Variants in NEK9 observed in about 807,000 individuals in gnomAD.
NEK9 encodes serine/threonine-protein kinase Nek9.
A neutral mutation model predicts 123.4 loss-of-function variants in NEK9; 75 were observed. That is an observed-to-expected ratio of 0.61 (90% CI 0.50 to 0.74). NEK9 has a LOEUF of 0.74. Among genes scored for constraint, NEK9 ranks in the 30% least tolerant of loss-of-function variants. NEK9 has a pLI of 0.00. For synonymous variants in NEK9, 438 were observed against 458.7 expected, an observed-to-expected ratio of 0.95 and a Z score of 0.58; for missense variants, 952 against 1,214.4, an observed-to-expected ratio of 0.78 and a Z score of 3.21.
intron 16 of NEK9, among the ~76,000 whole-genome samples, chr14:75,099,485 C>G (rs893239418): frequency 7.9e-5 from 12 of 151,954 alleles, no homozygotes; most frequent in Non-Finnish European, 1.8e-4. Flanking sequence ...AGCAGCAGTA[C>G]AGAAGAGAAG....
chr14:75,088,432 C>T lies in NEK9; in HGVS notation c.2604+48G>A, dbSNP rs535766221. The stretch of plus-strand genomic sequence containing the variant: ...GGCCAGAAGAACCAGGCAGAGCTTG[C>T]AGTGACTGTTTACCTAGTTGTGATT... On this transcript the variant is annotated intron_variant, in intron 20 of 21. Coordinates refer to ENST00000238616, the MANE Select transcript of NEK9 (RefSeq NM_033116.6). The T allele has an allele frequency of 2.1e-5, 33 of 1,585,606 alleles. No individual in the cohort carries two copies. In the South Asian group the frequency reaches 3.6e-4, roughly 17 times the overall value.
Position 75,084,703 on chromosome 14 carries a change from C to T in NEK9, c.2818-17G>A, listed in dbSNP as rs185955176. On this transcript the variant is annotated splice_polypyrimidine_tract_variant and intron_variant, in intron 21 of 21. Transcript: ENST00000238616. ...CATCCCCACCTGTCCGGATAAAACA[C>T]GGTTCCACATTAGCAACAGTGCCAC... is the stretch of plus-strand genomic sequence containing the variant. The T allele has an allele frequency of 5.5e-4, 894 of 1,613,802 alleles. 6 individuals carry two copies. Among genetic ancestry groups the T allele is most frequent in the South Asian group, 4.1e-3 (372 of 91,062 alleles).
At chr14:75,115,318 TG>T (rs1229223746) in intron 6 of NEK9, among the ~76,000 whole-genome samples, 2 of 152,258 alleles carry the variant, frequency 1.3e-5, no homozygotes, top group African/African-American at 4.8e-5. Context: ...GGTTTCACCA[TG>T]TTGGCCAGGC....
chr14:75,091,443 C>G lies in NEK9; in HGVS notation c.2269G>C (p.Gly757Arg). ...QSSSPGGGGG[G>R]GGGEEEDSQQ... Reference sequence around the variant, plus strand: ...CTGTCCTCTTCTTCACCACCGCCGCCCCCGCCGCCTCCTCCCGGGCTAGAG... The same window carrying G: ...CTGTCCTCTTCTTCACCACCGCCGCGCCCGCCGCCTCCTCCCGGGCTAGAG... Residue 757 changes from glycine (G) to arginine (R), a missense_variant, in exon 19 of 22, where the codon GGC becomes CGC. Around this residue, in one of 4 missense-constraint regions of NEK9, gnomAD observed 698 missense variants for 875.6 expected, o/e 0.80. Coordinates refer to ENST00000238616, the MANE Select transcript of NEK9 (RefSeq NM_033116.6). 6.2e-7 allele frequency: 1 copy of G among 1,606,756 alleles called. No individual in the cohort carries two copies.
Position 75,126,824 on chromosome 14 carries a change from C to G in NEK9, c.98G>C (p.Ser33Thr). The change falls in exon 1 of 22, where the codon AGC becomes ACC. Residue 33 changes from serine to threonine, a missense_variant. Transcript: ENST00000238616. ...GCCGGCTCGCGGCCCCTGACTGGCG[C>G]TAGGCCCCGGACTCGAGTCCCCGCA... is the stretch of plus-strand genomic sequence containing the variant. The part of the protein sequence containing the change: ...GGCGDSSPGP[S>T]ASQGPRAGGG... The G allele has an allele frequency of 6.5e-6, 10 of 1,534,138 alleles. No homozygotes were observed. Among genetic ancestry groups the G allele is most frequent in the Non-Finnish European group, 8.8e-6 (10 of 1,140,902 alleles).
At chr14:75,115,523 A>G (rs538393714) in intron 6 of NEK9, among the ~76,000 whole-genome samples, 1 of 152,366 alleles carries the variant, frequency 6.6e-6, no homozygotes, top group African/African-American at 2.4e-5. Flanking sequence ...ATGAAAGGGC[A>G]ATGAATTTGC....
chr14:75,118,187 A>C (rs1895201723), intron 5 of NEK9, among the ~76,000 whole-genome samples: 1 of 152,210 alleles, frequency 6.6e-6, no homozygotes, highest in Admixed American at 6.5e-5. Context: ...AATTGCTTGC[A>C]GGCAAACCTT....
At chr14:75,118,734 A>T in intron 5 of NEK9, 96 bp downstream of exon 5, 1 of 758,462 alleles carries the variant, frequency 1.3e-6, no homozygotes, top group Non-Finnish European at 2.2e-6. Flanking sequence ...GAGAACTTGC[A>T]AGAATATTGA....
intron 6 of NEK9, among the ~76,000 whole-genome samples, chr14:75,115,377 A>G (rs1895107276): frequency 6.6e-6 from 1 of 152,112 alleles, no homozygotes; most frequent in Non-Finnish European, 1.5e-5. Flanking sequence ...TCAGCCTCCC[A>G]AAGTGCTGGG....
In NEK9 at chr14:75,118,875, A is replaced by G. The variant is rs758904025; in HGVS notation, c.585T>C (p.Tyr195=). 2 of 1,611,432 alleles carry G rather than the reference A, an allele frequency of 1.2e-6. No homozygotes were observed. Among genetic ancestry groups the G allele is most frequent in the Admixed American group, 1.7e-5 (1 of 60,030 alleles). ...TKANLIKLGD[Y]GLAKKLNSEY... Reference sequence around the variant, plus strand: ...CAGAATTAAGTTTCTTTGCTAGGCCATAATCTCCAAGTTTTATCAGGTTTG... The same window carrying G: ...CAGAATTAAGTTTCTTTGCTAGGCCGTAATCTCCAAGTTTTATCAGGTTTG... Residue 195 remains tyrosine, a synonymous_variant, in exon 5 of 22, where the codon TAT becomes TAC. Transcript: ENST00000238616.
At chr14:75,119,729 T>C (rs1031548486) in intron 4 of NEK9, among the ~76,000 whole-genome samples, 5 of 152,220 alleles carry the variant, frequency 3.3e-5, no homozygotes, top group Non-Finnish European at 7.3e-5. Context: ...GGCCATTTAG[T>C]CATCTAAATA....
At position 75,120,548 on chromosome 14, in the gene NEK9, T is replaced by C. The variant is rs200004115; in HGVS notation, c.486A>G (p.Ser162=). The change falls in exon 4 of 22, where the codon TCA becomes TCG. Residue 162 remains serine, a synonymous_variant. Transcript: ENST00000238616. ...MVVWYLFQIV[S]AVSCIHKAGI... The stretch of plus-strand genomic sequence containing the variant: ...CAGCTTTATGGATGCAGCTCACTGC[T>C]GAAACAATCTGAAATAGGTACCACA... 598 of 1,612,862 alleles carry C rather than the reference T, an allele frequency of 3.7e-4. No homozygotes were observed. The highest frequency in any genetic ancestry group is 4.8e-4 in the Non-Finnish European group (565 of 1,179,314).
chr14:75,115,897 A>G (rs1895126049), intron 6 of NEK9, among the ~76,000 whole-genome samples: 1 of 152,238 alleles, frequency 6.6e-6, no homozygotes, highest in Non-Finnish European at 1.5e-5. Flanking sequence ...AAAGACTTAA[A>G]GGGATTCATT....
At chr14:75,110,002 C>T in intron 9 of NEK9, 125 bp from the exon 10 acceptor site, 4 of 979,020 alleles carry the variant, frequency 4.1e-6, no homozygotes, top group Non-Finnish European at 6.0e-6. Flanking sequence ...TCTTTCTCGA[C>T]AACTTGTTTC....
Position 75,081,837 on chromosome 14 carries a change from CCTT to C in NEK9, c.*2724_*2726del, listed in dbSNP as rs777988316. 1 of 152,118 alleles carries C rather than the reference CCTT, an allele frequency of 6.6e-6. No individual in the cohort carries two copies. Among genetic ancestry groups the C allele is most frequent in the Non-Finnish European group, 1.5e-5 (1 of 68,020 alleles). 9.4% of individuals were successfully genotyped at this position (152,118 alleles called of 1,614,324 possible). ...GGAGGTAGGTACAAGAAAGGATCATCCTTCTTTTAGTGGCTCATTTTTTCCCTC... is the reference window on the plus strand; with the variant it reads ...GGAGGTAGGTACAAGAAAGGATCATCCTTTTAGTGGCTCATTTTTTCCCTC... On this transcript the variant is annotated 3_prime_UTR_variant, in exon 22 of 22. Coordinates refer to ENST00000238616, the MANE Select transcript of NEK9 (RefSeq NM_033116.6). This position sits in a 1 kb window ranked among gnomAD's most constrained non-coding sequence, Gnocchi z 4.2.
intron 1 of NEK9, among the ~76,000 whole-genome samples, chr14:75,125,534 T>C (rs1383959416): frequency 2.6e-5 from 4 of 152,234 alleles, no homozygotes; most frequent in Admixed American, 6.5e-5. Context: ...CAAGATTTAC[T>C]TGTAACTTAA....
At position 75,105,892 on chromosome 14, in the gene NEK9, T is replaced by C. The variant is rs142749148; in HGVS notation, c.1575+58A>G. The C allele has an allele frequency of 1.5e-3, 1,940 of 1,299,530 alleles. 47 individuals are homozygous for C. In the East Asian group the frequency reaches 0.042, roughly 28 times the overall value. The allele number at this position is 1,299,530 out of a possible 1,614,324, so 80.5% of individuals were successfully genotyped here. A position where few individuals can be genotyped will look rare whatever the true frequency, so the allele number is the denominator to read the frequency against. On this transcript the variant is annotated intron_variant, in intron 13 of 21. Coordinates refer to ENST00000238616, the MANE Select transcript of NEK9 (RefSeq NM_033116.6). ...AACAGAGCCAAGGAAAGAGGACATA[T>C]TATTGGAGTCTGTGCGACTTAAGAT...
intron 2 of NEK9, among the ~76,000 whole-genome samples, chr14:75,123,228 C>G (rs1270785341): frequency 6.6e-6 from 1 of 152,008 alleles, no homozygotes; most frequent in Non-Finnish European, 1.5e-5. Flanking sequence ...TGGCAAAACC[C>G]TGTCTCTACT....
chr14:75,114,899 T>C (rs919657841), intron 6 of NEK9, among the ~76,000 whole-genome samples: 1 of 152,096 alleles, frequency 6.6e-6, no homozygotes, highest in Non-Finnish European at 1.5e-5. Flanking sequence ...GGCTCAGAGA[T>C]GTAAAGTAAC....
Sources: gnomAD v4.1 joint callset for allele counts (sites outside exome capture counted in the v4.1 genomes callset) on GRCh38, gnomAD v4.1.1 for gene constraint, gnomAD v4.1.1 regional missense constraint, Gnocchi (gnomAD v3.1) non-coding constraint, MANE v1.5 for transcripts, NCBI Gene and HGNC (gene_info 2026-07-23, HGNC 2026-07-21) for gene names.